The following DAB1 variants were observed in gnomAD, a reference collection of about 807,000 sequenced individuals.
DAB1 encodes the protein disabled homolog 1.
DAB1 carries 15 observed loss-of-function variants against 64.6 expected under a neutral mutation model. The ratio of observed to expected loss-of-function variants is 0.23; its 90% CI spans 0.16 to 0.36. The LOEUF (loss-of-function observed/expected upper bound fraction) is 0.36. Among genes scored for constraint, DAB1 ranks in the 10% least tolerant of loss-of-function variants. The pLI is 1.00. For missense variants in DAB1, 596 were observed against 706.7 expected (o/e 0.84, Z 1.78); for synonymous variants, 235 against 251.9 (o/e 0.93, Z 0.64).
intron 10 of DAB1, among the ~76,000 whole-genome samples, chr1:57,024,645 T>C (rs1444895316): frequency 1.3e-5 from 2 of 152,176 alleles, no homozygotes; most frequent in East Asian, 3.9e-4. Context: ...GTTAAGCACT[T>C]TTAAACACAG....
In DAB1 at chr1:57,550,390, C is replaced by A. The variant is rs528990568; in HGVS notation, n.625+99202G>T. On this transcript the variant is annotated intron_variant and non_coding_transcript_variant, in intron 7 of 20. Transcript: ENST00000485760. ...GTTGGGTTAGTTGATCACTCACTAA[C>A]TCTGATTCTATACCATTTGTTGCTA... 1.1e-4 allele frequency among the ~76,000 whole-genome samples: 16 copies of A among 152,286 alleles called. No homozygotes were observed. In the South Asian group the frequency reaches 2.7e-3, roughly 26 times the overall value.
At chr1:57,945,281 T>C in intron 5 of DAB1, among the ~76,000 whole-genome samples, 1 of 151,934 alleles carries the variant, frequency 6.6e-6, no homozygotes, top group East Asian at 1.9e-4. Flanking sequence ...ATCATTAGAG[T>C]CAAGGTCTCA....
intron 4 of DAB1, among the ~76,000 whole-genome samples, chr1:57,090,031 G>T (rs1653496896): frequency 1.3e-5 from 2 of 152,224 alleles, no homozygotes. Context: ...AACCTTCACA[G>T]CTCTGGGCTC....
At chr1:57,493,748 C>T (rs1362958859) in intron 7 of DAB1, among the ~76,000 whole-genome samples, 1 of 140,750 alleles carries the variant, frequency 7.1e-6, no homozygotes. Flanking sequence ...GGGAGGCAGG[C>T]TGACGTATTC....
Position 57,190,833 on chromosome 1 carries a change from G to C in DAB1, c.68-45404C>G, listed in dbSNP as rs543004690. ...TGATGAGCTACACTGTTGACCGAGG[G>C]GCTCCAGTAATTTAATCCTCTAAAG... On this transcript the variant is annotated intron_variant, in intron 2 of 14. Coordinates refer to ENST00000371236, the MANE Select transcript of DAB1 (RefSeq NM_001365792.1). Among the ~76,000 whole-genome samples, 6 of 152,154 alleles carry C rather than the reference G, an allele frequency of 3.9e-5. No homozygotes were observed. The East Asian group carries it at 1.2e-3, about 29-fold the overall frequency.
chr1:58,452,036 G>A (rs373437321), intron 3 of DAB1, among the ~76,000 whole-genome samples: 1 of 151,212 alleles, frequency 6.6e-6, no homozygotes, highest in Admixed American at 6.6e-5. Flanking sequence ...GGGTTCAAGC[G>A]ATTCTCTTGC....
intron 5 of DAB1, among the ~76,000 whole-genome samples, chr1:58,009,201 G>C (rs1048344627): frequency 3.9e-5 from 6 of 152,096 alleles, no homozygotes; most frequent in Non-Finnish European, 7.4e-5. Context: ...TCAAGAATTT[G>C]ACCAAGTCCA....
chr1:57,177,238 C>A (rs1407101507), intron 2 of DAB1, among the ~76,000 whole-genome samples: 4 of 152,056 alleles, frequency 2.6e-5, no homozygotes, highest in Non-Finnish European at 5.9e-5. Flanking sequence ...TGTCACTATT[C>A]TAAAATTTTA....
intron 5 of DAB1, among the ~76,000 whole-genome samples, chr1:58,135,662 T>TAA (rs1653902613): frequency 6.6e-6 from 1 of 152,164 alleles, no homozygotes; most frequent in Non-Finnish European, 1.5e-5. Flanking sequence ...TGTAGGTGCC[T>TAA]TTTGCTTTAT....
At position 57,533,138 on chromosome 1, in the gene DAB1, A is replaced by G. The variant is rs1318882909; in HGVS notation, n.625+116454T>C. ...AGGATAATACATTTTCCAAAGGCCT[A>G]TAATATGATGATACATATCACCATA... On this transcript the variant is annotated intron_variant and non_coding_transcript_variant, in intron 7 of 20. Coordinates refer to the DAB1 transcript ENST00000485760. Among the ~76,000 whole-genome samples, 3 of 152,154 alleles carry G rather than the reference A, an allele frequency of 2.0e-5. No homozygotes were observed. The South Asian group carries it at 6.2e-4, about 32-fold the overall frequency.
At chr1:58,463,060 G>C (rs1645259568) in intron 3 of DAB1, among the ~76,000 whole-genome samples, 1 of 152,238 alleles carries the variant, frequency 6.6e-6, no homozygotes, top group Non-Finnish European at 1.5e-5. Context: ...AGATGAGAAA[G>C]TATGCTGCAA....
chr1:58,310,555 C>G (rs1662407324), intron 4 of DAB1, among the ~76,000 whole-genome samples: 1 of 152,152 alleles, frequency 6.6e-6, no homozygotes, highest in Non-Finnish European at 1.5e-5. Context: ...CTCCTTACAA[C>G]AAATTGTATG....
At chr1:57,219,736 G>T (rs1452717582) in intron 2 of DAB1, among the ~76,000 whole-genome samples, 1 of 152,148 alleles carries the variant, frequency 6.6e-6, no homozygotes, top group East Asian at 1.9e-4. Flanking sequence ...ATGGTAGTCA[G>T]CAAGAAAACA....
At chr1:57,356,984 T>C (rs757750378) in intron 1 of DAB1, among the ~76,000 whole-genome samples, 2 of 151,936 alleles carry the variant, frequency 1.3e-5, no homozygotes, top group Non-Finnish European at 2.9e-5. Flanking sequence ...CAACTATACA[T>C]TGGAAACAAT....
chr1:57,527,222 C>G (rs537489509), intron 7 of DAB1, among the ~76,000 whole-genome samples: 1 of 152,126 alleles, frequency 6.6e-6, no homozygotes, highest in Non-Finnish European at 1.5e-5. Context: ...CAGACCGATT[C>G]CTTATCCAGA....
intron 4 of DAB1, among the ~76,000 whole-genome samples, chr1:58,170,579 G>C (rs1404574617): frequency 2.6e-5 from 4 of 152,130 alleles, no homozygotes; most frequent in African/African-American, 7.2e-5. Flanking sequence ...AAAGACCCCA[G>C]CCTTTGTCAT....
intron 1 of DAB1, among the ~76,000 whole-genome samples, chr1:57,338,836 G>T (rs2100820671): frequency 6.6e-6 from 1 of 152,306 alleles, no homozygotes; most frequent in East Asian, 1.9e-4. Flanking sequence ...AGGTTACCAA[G>T]AATTCCTACT....
intron 6 of DAB1, among the ~76,000 whole-genome samples, chr1:57,744,612 T>C (rs974064725): frequency 1.5e-4 from 23 of 152,140 alleles, no homozygotes; most frequent in Non-Finnish European, 3.1e-4. Context: ...AACTATGATA[T>C]TGGGGGTCTG....
At chr1:58,338,693 A>C (rs1431739757) in intron 4 of DAB1, among the ~76,000 whole-genome samples, 2 of 152,220 alleles carry the variant, frequency 1.3e-5, no homozygotes, top group Non-Finnish European at 2.9e-5. Context: ...TAGTGTGAAC[A>C]AACACTTGCA....
Sources: gnomAD v4.1 joint callset for allele counts (sites outside exome capture counted in the v4.1 genomes callset) on GRCh38, gnomAD v4.1.1 for gene constraint, MANE v1.5 for transcripts, NCBI Gene and HGNC (gene_info 2026-07-23, HGNC 2026-07-21) for gene names.